RAB3GAP2: variants seen among roughly 807,000 people sequenced by gnomAD.
RAB3GAP2 encodes the protein rab3 GTPase-activating protein non-catalytic subunit.
In RAB3GAP2, 87 loss-of-function variants were observed where a neutral mutation model predicts 185.3. The ratio of observed to expected loss-of-function variants is 0.47; its 90% CI spans 0.39 to 0.56. The LOEUF is 0.56. Ranked by LOEUF, RAB3GAP2 falls within the 20% of genes least tolerant of loss-of-function variation. RAB3GAP2 has a pLI of 0.00. For missense variants in RAB3GAP2, 1,492 were observed against 1,638.2 expected (o/e 0.91, Z 1.54); for synonymous variants, 554 against 576.1 (o/e 0.96, Z 0.55).
In RAB3GAP2 at chr1:220,213,016, T is replaced by C. The variant is rs754263732; in HGVS notation, c.305-48A>G. On this transcript the variant is annotated intron_variant, in intron 3 of 34. Coordinates refer to ENST00000358951, the MANE Select transcript of RAB3GAP2 (RefSeq NM_012414.4). ...TAAAATAATTTTAGCTATAATACAC[T>C]AAAAGAGTAATTTATAAATTTTGCT... 77 of 1,355,418 alleles carry C rather than the reference T, an allele frequency of 5.7e-5. No individual in the cohort carries two copies. In the South Asian group the frequency reaches 6.2e-4, roughly 11 times the overall value. The allele number at this position is 1,355,418 out of a possible 1,614,324, so 84.0% of individuals were successfully genotyped here.
At chr1:220,252,615 C>T (rs1373150242) in intron 1 of RAB3GAP2, among the ~76,000 whole-genome samples, 2 of 152,202 alleles carry the variant, frequency 1.3e-5, no homozygotes, top group African/African-American at 4.8e-5. Flanking sequence ...GAAACCGTCA[C>T]CTCCCGCCAA....
chr1:220,171,448 T>G (rs1658176506), intron 23 of RAB3GAP2, among the ~76,000 whole-genome samples: 1 of 152,202 alleles, frequency 6.6e-6, no homozygotes, highest in African/African-American at 2.4e-5. Context: ...ATACTTATAT[T>G]TCTTCAGAAT....
intron 33 of RAB3GAP2, among the ~76,000 whole-genome samples, chr1:220,152,544 T>A (rs573832954): frequency 1.3e-5 from 2 of 152,302 alleles, no homozygotes; most frequent in East Asian, 3.9e-4. Context: ...GTCATTCTAG[T>A]CCCCACCTCA....
chr1:220,184,251 T>A, intron 18 of RAB3GAP2, 88 bp from the exon 19 acceptor site: 3 of 1,232,904 alleles, frequency 2.4e-6, no homozygotes, highest in Non-Finnish European at 3.5e-6. Flanking sequence ...CTCAATATTA[T>A]GTAATTCCCT....
chr1:220,265,833 G>A (rs1431544039), intron 1 of RAB3GAP2, among the ~76,000 whole-genome samples: 1 of 152,042 alleles, frequency 6.6e-6, no homozygotes, highest in Non-Finnish European at 1.5e-5. Context: ...ACTGAGGTGG[G>A]AGGATCCCTT....
intron 8 of RAB3GAP2, among the ~76,000 whole-genome samples, chr1:220,202,662 G>T (rs1463260136): frequency 6.6e-6 from 1 of 152,160 alleles, no homozygotes; most frequent in Non-Finnish European, 1.5e-5. Flanking sequence ...GGGAATTCAG[G>T]CCGGGCATGG....
chr1:220,220,748 G>A (rs1370383722), intron 2 of RAB3GAP2, among the ~76,000 whole-genome samples: 1 of 152,164 alleles, frequency 6.6e-6, no homozygotes, highest in African/African-American at 2.4e-5. Context: ...AGTCTCACAA[G>A]TTCCGATGGT....
intron 8 of RAB3GAP2, among the ~76,000 whole-genome samples, chr1:220,205,053 G>C (rs558909912): frequency 6.6e-6 from 1 of 152,060 alleles, no homozygotes; most frequent in South Asian, 2.1e-4. Context: ...CTGATTTTAA[G>C]ACTCTTCCAT....
chr1:220,189,614 T>G, intron 17 of RAB3GAP2, 89 bp downstream of exon 17: 3 of 1,291,606 alleles, frequency 2.3e-6, no homozygotes, highest in Non-Finnish European at 2.1e-6. Flanking sequence ...CAGCCTCTCA[T>G]GTTTGGGGGA....
At chr1:220,260,738 C>A (rs1267209879) in intron 1 of RAB3GAP2, among the ~76,000 whole-genome samples, 4 of 151,986 alleles carry the variant, frequency 2.6e-5, no homozygotes, top group Non-Finnish European at 4.4e-5. Flanking sequence ...CACATGCATC[C>A]CTGAACTTAA....
chr1:220,212,822 T>C (rs759247928), intron 4 of RAB3GAP2, 65 bp downstream of exon 4: 199 of 1,318,012 alleles, frequency 1.5e-4, no homozygotes, highest in Non-Finnish European at 2.1e-4. Context: ...TAGATTCACC[T>C]ACAAGTCAAA....
intron 29 of RAB3GAP2, 57 bp from the exon 30 acceptor site, chr1:220,157,933 T>C (rs1657889567): frequency 7.5e-7 from 1 of 1,338,012 alleles, no homozygotes; most frequent in African/African-American, 1.4e-5. Flanking sequence ...ATAGTTACTG[T>C]CAGCCAAACA....
At chr1:220,209,161 A>T (rs1480245779) in intron 7 of RAB3GAP2, among the ~76,000 whole-genome samples, 1 of 152,200 alleles carries the variant, frequency 6.6e-6, no homozygotes, top group Admixed American at 6.5e-5. Flanking sequence ...TGAAGAAAGA[A>T]ATCTTCAATA....
chr1:220,260,307 C>T (rs1485921406), intron 1 of RAB3GAP2, among the ~76,000 whole-genome samples: 1 of 142,314 alleles, frequency 7.0e-6, no homozygotes, highest in African/African-American at 2.7e-5. Flanking sequence ...CACTGCAGCA[C>T]TATTCACAAT....
In RAB3GAP2 at chr1:220,196,317, G is replaced by A. The variant is rs746915333; in HGVS notation, c.893C>T (p.Pro298Leu). Residue 298 changes from proline to leucine, a missense_variant, in exon 10 of 35, where the codon CCA becomes CTA. Pro to Leu is a moderately conservative substitution (Grantham distance 98). This residue lies in a region of RAB3GAP2 where 243 missense variants were observed against 314.8 expected (regional missense o/e 0.77). Coordinates refer to ENST00000358951, the MANE Select transcript of RAB3GAP2 (RefSeq NM_012414.4). Reference protein sequence around the residue: ...GGFNAAIKNSPPAMSQYITVG... With the variant: ...GGFNAAIKNSLPAMSQYITVG... ...AGTGATATACTGAGACATGGCAGGT[G>A]GACTATTTTTAATTGCTGCATTAAA... The A allele has an allele frequency of 5.6e-6, 9 of 1,611,094 alleles. No homozygotes were observed. The East Asian group carries it at 1.1e-4, about 20-fold the overall frequency.
intron 1 of RAB3GAP2, among the ~76,000 whole-genome samples, chr1:220,243,084 G>C (rs1271689241): frequency 6.6e-6 from 1 of 152,118 alleles, no homozygotes; most frequent in Non-Finnish European, 1.5e-5. Flanking sequence ...GCTGGGCACG[G>C]CGGCTCACGC....
At chr1:220,265,913 A>T (rs1195683487) in intron 1 of RAB3GAP2, 1 of 152,382 alleles carries the variant, frequency 6.6e-6, no homozygotes, top group Non-Finnish European at 1.5e-5. Flanking sequence ...TGACAGAGTG[A>T]GGCCCTGTCT....
At chr1:220,231,004 A>G (rs1659489334) in intron 2 of RAB3GAP2, among the ~76,000 whole-genome samples, 1 of 152,218 alleles carries the variant, frequency 6.6e-6, no homozygotes, top group Non-Finnish European at 1.5e-5. Flanking sequence ...AGCTACTGCA[A>G]CAGCCTTGTA....
chr1:220,216,020 T>C (rs1367130375), intron 2 of RAB3GAP2, among the ~76,000 whole-genome samples: 2 of 152,152 alleles, frequency 1.3e-5, no homozygotes, highest in South Asian at 2.1e-4. Flanking sequence ...GAATAAATTA[T>C]TTCTTGCTGG....
Sources: allele counts gnomAD v4.1 joint callset (sites outside exome capture counted in the v4.1 genomes callset), GRCh38; gene constraint gnomAD v4.1.1; regional missense constraint gnomAD v4.1.1; transcripts MANE v1.5; gene names NCBI Gene and HGNC (gene_info 2026-07-23, HGNC 2026-07-21).